The following GIGYF2 variants were observed in gnomAD, a reference collection of about 807,000 sequenced individuals.
GIGYF2 encodes the protein GRB10-interacting GYF protein 2.
GIGYF2 carries 25 observed loss-of-function variants against 208.1 expected under a neutral mutation model. The ratio of observed to expected loss-of-function variants is 0.12; its 90% CI spans 0.09 to 0.17. GIGYF2 has a LOEUF of 0.17. GIGYF2 is among the 10% of genes least tolerant of loss of function. The probability of loss-of-function intolerance (pLI) is 1.00; values close to 1 mark genes in which losing one functional copy is unlikely to be tolerated. For synonymous variants in GIGYF2, 534 were observed against 543.8 expected, an observed-to-expected ratio of 0.98 and a Z score of 0.25; for missense variants, 1,302 against 1,579.4, an observed-to-expected ratio of 0.82 and a Z score of 2.98.
At chr2:232,811,606 G>A (rs1019127565) in intron 17 of GIGYF2, among the ~76,000 whole-genome samples, 5 of 152,190 alleles carry the variant, frequency 3.3e-5, no homozygotes, top group African/African-American at 1.2e-4. Context: ...TTGAGAAACA[G>A]TGTCATCTTG....
chr2:232,833,216 A>G, intron 22 of GIGYF2, 123 bp downstream of exon 22: 1 of 476,400 alleles, frequency 2.1e-6, no homozygotes, highest in Non-Finnish European at 3.6e-6. Flanking sequence ...AAATATTTTA[A>G]ATTATTTATT....
At chr2:232,723,726 C>CTTTTTT (rs1559383695) in intron 2 of GIGYF2, among the ~76,000 whole-genome samples, 1 of 95,608 alleles carries the variant, frequency 1.0e-5, no homozygotes, top group Admixed American at 1.2e-4. Flanking sequence ...CTGTGCCCGG[C>CTTTTTT]CTTTTTTTTT....
At chr2:232,721,861 C>T (rs73995879) in intron 2 of GIGYF2, among the ~76,000 whole-genome samples, 2,327 of 152,206 alleles carry the variant, frequency 0.015, 68 homozygotes, top group African/African-American at 0.053. Context: ...TCTGGTCCTC[C>T]CATGTTCCTG....
intron 9 of GIGYF2, among the ~76,000 whole-genome samples, chr2:232,787,699 C>G (rs1416218260): frequency 1.3e-5 from 2 of 152,150 alleles, no homozygotes; most frequent in East Asian, 3.8e-4. Flanking sequence ...GTGCTTCCCT[C>G]CCCAACAATG....
chr2:232,834,787 T>G (rs1230117485), intron 22 of GIGYF2, among the ~76,000 whole-genome samples: 3 of 152,174 alleles, frequency 2.0e-5, no homozygotes, highest in African/African-American at 7.2e-5. Flanking sequence ...ATCTTTAAGT[T>G]TCTTTCTTTT....
intron 14 of GIGYF2, among the ~76,000 whole-genome samples, chr2:232,805,389 G>A (rs4973053): frequency 0.67 from 101,813 of 151,906 alleles, 34,430 homozygotes; most frequent in Admixed American, 0.7. Flanking sequence ...GTTGTTTGGT[G>A]CATACATATT....
intron 16 of GIGYF2, chr2:232,811,024 C>A (rs1389505350): frequency 2.0e-6 from 1 of 493,596 alleles, no homozygotes; most frequent in Non-Finnish European, 3.7e-6. Context: ...TATCCTCTTT[C>A]ACTCGGAAAC....
At chr2:232,771,886 G>A (rs1431414754) in intron 8 of GIGYF2, among the ~76,000 whole-genome samples, 2 of 152,188 alleles carry the variant, frequency 1.3e-5, no homozygotes, top group African/African-American at 4.8e-5. Flanking sequence ...ATCCTTTGAA[G>A]CCAGATTTAG....
At chr2:232,812,675 G>A (rs1026734458) in intron 18 of GIGYF2, among the ~76,000 whole-genome samples, 184 bp downstream of exon 18, 1 of 151,896 alleles carries the variant, frequency 6.6e-6, no homozygotes, top group African/African-American at 2.4e-5. Flanking sequence ...ATACTTTTAA[G>A]GATTTGTTTG....
At chr2:232,828,967 A>G (rs1000907483) in intron 21 of GIGYF2, among the ~76,000 whole-genome samples, 1 of 152,164 alleles carries the variant, frequency 6.6e-6, no homozygotes, top group African/African-American at 2.4e-5. Context: ...ATGAATGACA[A>G]TTAGGTCAGG....
At chr2:232,856,617 A>C (rs1230452035) in intron 28 of GIGYF2, among the ~76,000 whole-genome samples, 176 bp from the exon 29 acceptor site, 2 of 152,106 alleles carry the variant, frequency 1.3e-5, no homozygotes, top group South Asian at 2.1e-4. Flanking sequence ...TCTTGAACCC[A>C]GGAGGTGGAG....
intron 5 of GIGYF2, among the ~76,000 whole-genome samples, chr2:232,750,225 G>C (rs889526323): frequency 6.6e-6 from 1 of 151,776 alleles, no homozygotes; most frequent in Non-Finnish European, 1.5e-5. Context: ...TCCTTTACTT[G>C]AATACCTTCT....
At chr2:232,827,035 C>T (rs763915063) in intron 21 of GIGYF2, among the ~76,000 whole-genome samples, 5 of 152,088 alleles carry the variant, frequency 3.3e-5, no homozygotes, top group African/African-American at 1.2e-4. Flanking sequence ...AAGAAGATAT[C>T]ATCTAGGACT....
At chr2:232,789,900 GA>G (rs1700020523) in intron 9 of GIGYF2, among the ~76,000 whole-genome samples, 1 of 151,992 alleles carries the variant, frequency 6.6e-6, no homozygotes, top group African/African-American at 2.4e-5. Context: ...CTTCTGTTGG[GA>G]AATGTAGATT....
intron 28 of GIGYF2, among the ~76,000 whole-genome samples, chr2:232,854,689 T>A (rs2106436611): frequency 6.6e-6 from 1 of 152,308 alleles, no homozygotes; most frequent in South Asian, 2.1e-4. Flanking sequence ...TAAATAGGCA[T>A]GTTTATTTTT....
intron 8 of GIGYF2, chr2:232,766,989 T>G (rs1329505172): frequency 6.6e-6 from 1 of 152,110 alleles, no homozygotes; most frequent in Admixed American, 6.5e-5. Flanking sequence ...TTTATTGAAA[T>G]GAAAATCATG....
At chr2:232,790,596 G>A in intron 9 of GIGYF2, 102 bp from the exon 10 acceptor site, 1 of 954,174 alleles carries the variant, frequency 1.0e-6, no homozygotes, top group South Asian at 1.3e-5. Context: ...ATTTGAGTTT[G>A]CGGTCACTTG....
intron 2 of GIGYF2, chr2:232,731,034 T>G (rs1421302039): frequency 6.6e-6 from 1 of 152,196 alleles, no homozygotes; most frequent in Non-Finnish European, 1.5e-5. Context: ...GGTTGTACAT[T>G]GTAGTAGTTT....
In GIGYF2 at chr2:232,809,733, A is replaced by C; in HGVS notation, c.1820A>C (p.Gln607Pro). 6.2e-7 allele frequency: 1 copy of C among 1,607,268 alleles called. No individual in the cohort carries two copies. The highest frequency in any genetic ancestry group is 1.1e-5 in the South Asian group (1 of 90,932). Reference protein sequence around the residue: ...APPPHMGELDQERLTRQQELT... With the variant: ...APPPHMGELDPERLTRQQELT... ...CTTCATTCCTAGGGAGAGCTGGACC[A>C]GGAACGACTGACCAGGCAGCAAGAA... Residue 607 changes from glutamine to proline, a missense_variant, in exon 16 of 29, where the codon CAG becomes CCG. Gln to Pro is a moderately conservative substitution (Grantham distance 76). Coordinates refer to ENST00000373563, the MANE Select transcript of GIGYF2 (RefSeq NM_001103146.3).
Sources: allele counts gnomAD v4.1 joint callset (sites outside exome capture counted in the v4.1 genomes callset), GRCh38; gene constraint gnomAD v4.1.1; transcripts MANE v1.5; gene names NCBI Gene and HGNC (gene_info 2026-07-23, HGNC 2026-07-21).